The following EPB41L4B variants were observed in gnomAD, a reference collection of about 807,000 sequenced individuals.
The protein encoded by EPB41L4B is erythrocyte membrane protein band 4.1 like 4B, also known as band 4.1-like protein 4B.
A neutral mutation model predicts 112.5 loss-of-function variants in EPB41L4B; 30 were observed. The observed-to-expected ratio is 0.27, with a 90% CI of 0.20 to 0.36. EPB41L4B has a LOEUF of 0.36. Ranked by LOEUF, EPB41L4B falls within the 10% of genes least tolerant of loss-of-function variation. The probability of loss-of-function intolerance (pLI) is 1.00; values close to 1 mark genes in which losing one functional copy is unlikely to be tolerated. For synonymous variants in EPB41L4B, 408 were observed against 439.7 expected (o/e 0.93, Z 0.90); for missense variants, 1,024 against 1,133.3 (o/e 0.90, Z 1.38).
intron 22 of EPB41L4B, among the ~76,000 whole-genome samples, chr9:109,191,859 G>C (rs1832471067): frequency 6.6e-6 from 1 of 152,246 alleles, no homozygotes; most frequent in Non-Finnish European, 1.5e-5. Context: ...GATGGCAGGA[G>C]GTGCGAGGGG....
intron 1 of EPB41L4B, among the ~76,000 whole-genome samples, chr9:109,312,980 C>T (rs1304050981): frequency 6.6e-6 from 1 of 152,114 alleles, no homozygotes; most frequent in Non-Finnish European, 1.5e-5. Context: ...GTGGCTCACA[C>T]GTGTAATCCC....
intron 18 of EPB41L4B, among the ~76,000 whole-genome samples, chr9:109,204,204 C>T (rs750237349): frequency 2.6e-5 from 4 of 152,168 alleles, no homozygotes; most frequent in Non-Finnish European, 5.9e-5. Context: ...TTGAGAGAAA[C>T]CTTGTCCTCC....
At chr9:109,245,201 C>T (rs1834507921) in intron 14 of EPB41L4B, among the ~76,000 whole-genome samples, 1 of 152,210 alleles carries the variant, frequency 6.6e-6, no homozygotes, top group Non-Finnish European at 1.5e-5. Context: ...TCTAACTGTT[C>T]CAGGTGTTTT....
intron 15 of EPB41L4B, chr9:109,241,703 GC>G: frequency 6.2e-7 from 1 of 1,614,118 alleles, no homozygotes; most frequent in Non-Finnish European, 8.5e-7. Context: ...ATCATACTTT[GC>G]ATCCCTCCTA....
intron 24 of EPB41L4B, among the ~76,000 whole-genome samples, chr9:109,178,385 C>CTTTTTTTTTTTTTTTTTTTTTTTTTTT (rs201156641): frequency 7.0e-6 from 1 of 143,528 alleles, no homozygotes; most frequent in African/African-American, 2.6e-5. Flanking sequence ...GCAGTATCTT[C>CTTTTTTTTTTTTTTTTTTTTTTTTTTT]TTTTTTTTTT....
intron 14 of EPB41L4B, among the ~76,000 whole-genome samples, chr9:109,243,979 G>A (rs1228252878): frequency 6.6e-6 from 1 of 152,216 alleles, no homozygotes; most frequent in African/African-American, 2.4e-5. Context: ...GTCGTCCGGA[G>A]TACCAGAGAC....
intron 25 of EPB41L4B, 95 bp from the exon 26 acceptor site, chr9:109,174,718 TCA>T: frequency 9.7e-7 from 1 of 1,029,376 alleles, no homozygotes; most frequent in Non-Finnish European, 1.5e-6. Flanking sequence ...TTTCCTGATC[TCA>T]GTGTTGGACT....
chr9:109,277,300 T>C (rs892696010), intron 2 of EPB41L4B, among the ~76,000 whole-genome samples: 1 of 122,676 alleles, frequency 8.2e-6, no homozygotes, highest in Admixed American at 9.5e-5. Flanking sequence ...GAGAGTAGAT[T>C]GAGAAGTAGA....
chr9:109,189,958 T>TG (rs1832402128), intron 22 of EPB41L4B, among the ~76,000 whole-genome samples: 1 of 146,054 alleles, frequency 6.8e-6, no homozygotes, highest in East Asian at 2.0e-4. Flanking sequence ...TCTTTTGAGA[T>TG]GGACTCTCGC....
At chr9:109,180,242 T>C (rs898685018) in intron 24 of EPB41L4B, among the ~76,000 whole-genome samples, 2 of 152,148 alleles carry the variant, frequency 1.3e-5, no homozygotes, top group African/African-American at 4.8e-5. Flanking sequence ...TCTTGCTCAG[T>C]TCTTAAAAGT....
intron 1 of EPB41L4B, among the ~76,000 whole-genome samples, chr9:109,283,875 C>T (rs750273573): frequency 6.6e-6 from 1 of 151,188 alleles, no homozygotes; most frequent in Admixed American, 6.6e-5. Context: ...TTGCTTGAGG[C>T]CAGGAGTTCG....
chr9:109,234,009 A>G (rs982764835), intron 15 of EPB41L4B, among the ~76,000 whole-genome samples: 1 of 152,166 alleles, frequency 6.6e-6, no homozygotes, highest in African/African-American at 2.4e-5. Flanking sequence ...CATATAACAA[A>G]CCGTCTTTAG....
intron 15 of EPB41L4B, among the ~76,000 whole-genome samples, chr9:109,220,339 CT>C (rs1242819885): frequency 6.6e-6 from 1 of 152,100 alleles, no homozygotes; most frequent in Non-Finnish European, 1.5e-5. Context: ...CAGGCTGGGG[CT>C]AGTTATGAAG....
rs188767942 is a variant in EPB41L4B at position 109,314,602 on chromosome 9, C to G, written c.306+5539G>C. On this transcript the variant is annotated intron_variant, in intron 1 of 25. Coordinates refer to ENST00000374566, the MANE Select transcript of EPB41L4B (RefSeq NM_019114.5). The stretch of plus-strand genomic sequence containing the variant: ...TGCTCTTGCTTGTATCACGACACCC[C>G]CTTTGGGAAGGGTGTTCATTACCCC... 1.3e-3 allele frequency among the ~76,000 whole-genome samples: 193 copies of G among 150,614 alleles called. 3 individuals are homozygous for G. The highest frequency in any genetic ancestry group is 0.012 in the East Asian group (62 of 5,096).
Position 109,241,316 on chromosome 9 carries a change from T to C in EPB41L4B, c.1409+2302A>G, listed in dbSNP as rs1834344761. 3.9e-6 allele frequency: 4 copies of C among 1,032,462 alleles called. No homozygotes were observed. In the South Asian group the frequency reaches 1.5e-4, roughly 39 times the overall value. 64.0% of individuals were successfully genotyped at this position (1,032,462 alleles called of 1,614,324 possible). On this transcript the variant is annotated intron_variant, in intron 15 of 25. Transcript: ENST00000374566. ...TACGACAGGAATATATGCTGAGCAA[T>C]CTTCCCAAGCTCTTCTGGTTTTATT...
At chr9:109,207,452 G>C (rs1324372911) in intron 18 of EPB41L4B, among the ~76,000 whole-genome samples, 1 of 152,094 alleles carries the variant, frequency 6.6e-6, no homozygotes, top group Non-Finnish European at 1.5e-5. Context: ...CATGCCTGTA[G>C]TCCCAGCTAC....
At chr9:109,242,203 A>T (rs889928887) in intron 15 of EPB41L4B, among the ~76,000 whole-genome samples, 1 of 152,244 alleles carries the variant, frequency 6.6e-6, no homozygotes, top group Non-Finnish European at 1.5e-5. Flanking sequence ...CTCTGTTTTC[A>T]TGGGGTATCT....
rs1833268547 is a variant in EPB41L4B at position 109,213,799 on chromosome 9, AG to A, written c.1652del (p.Pro551LeufsTer11). On this transcript the variant is annotated frameshift_variant, in exon 17 of 26. Transcript: ENST00000374566. LOFTEE classifies it high-confidence loss of function. ...KSLTKLSPGTPALFSEAAAHL... is the reference protein window; with the variant it reads ...KSLTKLSPGTXALFSEAAAHL... ...GGGCAGCGGCTTCACTGAACAAGGC[AG>A]GTGTTCCTGGACTCAGTTCTACAAA... 1 of 1,614,048 alleles carries A rather than the reference AG, an allele frequency of 6.2e-7. No individual in the cohort carries two copies. Among genetic ancestry groups the A allele is most frequent in the Non-Finnish European group, 8.5e-7 (1 of 1,179,990 alleles).
chr9:109,254,542 A>G (rs960250399), intron 11 of EPB41L4B, among the ~76,000 whole-genome samples: 2 of 152,234 alleles, frequency 1.3e-5, no homozygotes, highest in Non-Finnish European at 2.9e-5. Flanking sequence ...AGGTTATGAA[A>G]CCATGTGAAG....
Sources: allele counts gnomAD v4.1 joint callset (sites outside exome capture counted in the v4.1 genomes callset), GRCh38; gene constraint gnomAD v4.1.1; transcripts MANE v1.5; gene names NCBI Gene and HGNC (gene_info 2026-07-23, HGNC 2026-07-21).